GRIN2A: variants seen among roughly 807,000 people sequenced by gnomAD.
The protein encoded by GRIN2A is glutamate receptor ionotropic, NMDA 2A.
GRIN2A carries 22 observed loss-of-function variants against 113.4 expected under a neutral mutation model. The observed-to-expected ratio is 0.19, with a 90% CI of 0.14 to 0.28. The LOEUF (loss-of-function observed/expected upper bound fraction) is 0.28, where lower values mean the gene tolerates loss of function less well. Among genes scored for constraint, GRIN2A ranks in the 10% least tolerant of loss-of-function variants. GRIN2A has a pLI of 1.00. For missense variants in GRIN2A, 1,502 were observed against 1,887.0 expected (o/e 0.80, Z 3.78); for synonymous variants, 827 against 738.4 (o/e 1.12, Z -1.94).
intron 2 of GRIN2A, among the ~76,000 whole-genome samples, chr16:10,046,714 C>T (rs1400714172): frequency 6.6e-6 from 1 of 152,096 alleles, no homozygotes; most frequent in Non-Finnish European, 1.5e-5. Context: ...ATTCTGCACC[C>T]TTTTGAGATT....
intron 2 of GRIN2A, among the ~76,000 whole-genome samples, chr16:10,162,545 G>A (rs1233203384): frequency 1.3e-5 from 2 of 152,152 alleles, no homozygotes; most frequent in East Asian, 3.9e-4. Flanking sequence ...GCATACAGAT[G>A]GCCATCCTCT....
chr16:9,984,784 T>G (rs951740465), intron 2 of GRIN2A, among the ~76,000 whole-genome samples: 2 of 152,252 alleles, frequency 1.3e-5, no homozygotes, highest in Admixed American at 6.5e-5. Flanking sequence ...ATTTTAGAAT[T>G]CATGGGGGCA....
At chr16:9,894,000 A>G (rs2043753086) in intron 3 of GRIN2A, among the ~76,000 whole-genome samples, 1 of 152,176 alleles carries the variant, frequency 6.6e-6, no homozygotes, top group African/African-American at 2.4e-5. Flanking sequence ...TCACTGATGG[A>G]GAGTAAATGT....
rs538495350 is a variant in GRIN2A, at chr16:10,049,668, C to A, written c.415-111117G>T. 2.0e-5 allele frequency among the ~76,000 whole-genome samples: 3 copies of A among 152,298 alleles called. No homozygotes were observed. In the East Asian group the frequency reaches 5.8e-4, roughly 29 times the overall value. ...TGCTGGGATTACAGGCATGAGTCAC[C>A]GCGACCAGCCCACAACTTGCCTGGG... On this transcript the variant is annotated intron_variant, in intron 2 of 12. Transcript: ENST00000330684.
intron 2 of GRIN2A, among the ~76,000 whole-genome samples, chr16:9,940,786 T>C (rs375113261): frequency 6.6e-6 from 1 of 152,136 alleles, no homozygotes; most frequent in Non-Finnish European, 1.5e-5. Flanking sequence ...CCAACCTATA[T>C]CTCAATGTAT....
intron 3 of GRIN2A, among the ~76,000 whole-genome samples, chr16:9,935,931 G>T (rs943263242): frequency 6.6e-6 from 1 of 151,876 alleles, no homozygotes; most frequent in African/African-American, 2.4e-5. Context: ...CAAACTCCTG[G>T]CCTCCAGCGA....
intron 2 of GRIN2A, among the ~76,000 whole-genome samples, chr16:10,044,020 TATAGAGAGAGAG>T (rs2047215160): frequency 8.6e-6 from 1 of 116,870 alleles, no homozygotes; most frequent in South Asian, 3.4e-4. Flanking sequence ...TATATATATA[TATAGAGAGAGAG>T]AGAGAGAGAG....
chr16:10,168,149 C>T (rs891688287), intron 2 of GRIN2A, among the ~76,000 whole-genome samples: 3 of 152,124 alleles, frequency 2.0e-5, no homozygotes, highest in African/African-American at 4.8e-5. Context: ...GCTTCTTAGC[C>T]AAAAACATTT....
At position 9,838,324 on chromosome 16, in the gene GRIN2A, A is replaced by G. The variant is rs568593399; in HGVS notation, c.1651+2323T>C. ...TCTACCCAAAGGAAAAGAAGTTATT[A>G]TATCAAAAAGACACTTGCACACATA... is the stretch of plus-strand genomic sequence containing the variant. On this transcript the variant is annotated intron_variant, in intron 7 of 12. Coordinates refer to ENST00000330684, the MANE Select transcript of GRIN2A (RefSeq NM_001134407.3). Among the ~76,000 whole-genome samples, 5 of 152,318 alleles carry G rather than the reference A, an allele frequency of 3.3e-5. No homozygotes were observed. The East Asian group carries it at 9.6e-4, about 29-fold the overall frequency.
intron 4 of GRIN2A, among the ~76,000 whole-genome samples, chr16:9,864,771 G>A (rs1443561281): frequency 6.6e-6 from 1 of 152,170 alleles, no homozygotes; most frequent in Non-Finnish European, 1.5e-5. Flanking sequence ...AAGTTATTGC[G>A]TTGTGAGAGG....
At chr16:9,926,029 A>G (rs2044457052) in intron 3 of GRIN2A, among the ~76,000 whole-genome samples, 1 of 152,172 alleles carries the variant, frequency 6.6e-6, no homozygotes, top group Non-Finnish European at 1.5e-5. Context: ...CATTCACTTG[A>G]CAAATGTCAT....
rs774589370 is a variant in GRIN2A, at chr16:9,764,158, T to A, written c.3386A>T (p.His1129Leu). Residue 1129 changes from histidine to leucine, a missense_variant, in exon 13 of 13, where the codon CAC becomes CTC. Coordinates refer to ENST00000330684, the MANE Select transcript of GRIN2A (RefSeq NM_001134407.3). The stretch of plus-strand genomic sequence containing the variant: ...TTCAACAAACTGGGGTGGATCTAAG[T>A]GGAAACCAGGCTCCTTCTCACCATC... ...TIDGEKEPGFHLDPPQFVENV... is the reference protein window; with the variant it reads ...TIDGEKEPGFLLDPPQFVENV... The A allele has an allele frequency of 1.2e-6, 2 of 1,613,370 alleles. No individual in the cohort carries two copies. The highest frequency in any genetic ancestry group is 1.7e-6 in the Non-Finnish European group (2 of 1,179,568).
chr16:9,833,111 G>A (rs1422069903), intron 8 of GRIN2A, among the ~76,000 whole-genome samples: 1 of 152,138 alleles, frequency 6.6e-6, no homozygotes, highest in African/African-American at 2.4e-5. Flanking sequence ...CACCCATTTA[G>A]AAGGTAGTGC....
chr16:9,974,402 G>C (rs531376937), intron 2 of GRIN2A, among the ~76,000 whole-genome samples: 9 of 152,210 alleles, frequency 5.9e-5, no homozygotes, highest in Admixed American at 1.3e-4. Context: ...GAAAATCCCT[G>C]TCCTGTTCTG....
At chr16:9,951,253 T>C (rs1299695665) in intron 2 of GRIN2A, among the ~76,000 whole-genome samples, 1 of 152,160 alleles carries the variant, frequency 6.6e-6, no homozygotes, top group Non-Finnish European at 1.5e-5. Context: ...TCCTGGAGCA[T>C]AATATTCTGC....
chr16:9,859,890 C>T (rs1389266175), intron 4 of GRIN2A, among the ~76,000 whole-genome samples: 1 of 152,064 alleles, frequency 6.6e-6, no homozygotes, highest in Non-Finnish European at 1.5e-5. Flanking sequence ...ACTTTCCCCT[C>T]ACTTGTTTAT....
intron 2 of GRIN2A, among the ~76,000 whole-genome samples, chr16:10,094,692 TGCCC>T (rs1462288183): frequency 6.6e-6 from 1 of 151,988 alleles, no homozygotes; most frequent in Admixed American, 6.6e-5. Flanking sequence ...TCCAGTGATC[TGCCC>T]GCCTCAACCT....
chr16:10,153,374 G>T (rs76357208), intron 2 of GRIN2A, among the ~76,000 whole-genome samples: 19 of 152,296 alleles, frequency 1.2e-4, no homozygotes, highest in African/African-American at 4.6e-4. Context: ...CAGTATCTAG[G>T]TGCTGGGGGG....
rs766488132 is a variant in GRIN2A at position 9,763,741 on chromosome 16, T to C, written c.3803A>G (p.Gln1268Arg). 4 of 1,614,192 alleles carry C rather than the reference T, an allele frequency of 2.5e-6. No individual in the cohort carries two copies. The highest frequency in any genetic ancestry group is 2.2e-5 in the South Asian group (2 of 91,086). Residue 1268 changes from glutamine (Q) to arginine (R), a missense_variant, in exon 13 of 13, where the codon CAG (glutamine) becomes CGG (arginine). Coordinates refer to ENST00000330684, the MANE Select transcript of GRIN2A (RefSeq NM_001134407.3). ...GGCATTGTTCTGTGCCCAGTCCTGC[T>C]GGTAGACCTGCTCCCCGGTGGCTGG... ...GNPATGEQVY[Q>R]QDWAQNNALQ...
Sources: allele counts gnomAD v4.1 joint callset (sites outside exome capture counted in the v4.1 genomes callset), GRCh38; gene constraint gnomAD v4.1.1; transcripts MANE v1.5; gene names NCBI Gene and HGNC (gene_info 2026-07-23, HGNC 2026-07-21).